The following OSBPL6 variants were observed in gnomAD, a reference collection of about 807,000 sequenced individuals.
OSBPL6 encodes the protein oxysterol-binding protein-related protein 6.
In OSBPL6, 49 loss-of-function variants were observed where a neutral mutation model predicts 125.8. That is an observed-to-expected ratio of 0.39 (90% confidence interval 0.31 to 0.49). The LOEUF (loss-of-function observed/expected upper bound fraction) is 0.49, where lower values mean the gene tolerates loss of function less well. Among genes scored for constraint, OSBPL6 ranks in the 20% least tolerant of loss-of-function variants. OSBPL6 has a pLI of 0.88. For synonymous variants in OSBPL6, 394 were observed against 391.8 expected, an observed-to-expected ratio of 1.01 and a Z score of -0.07; for missense variants, 986 against 1,135.4, an observed-to-expected ratio of 0.87 and a Z score of 1.89.
chr2:178,219,311 T>C (rs986217183), intron 1 of OSBPL6, among the ~76,000 whole-genome samples: 4 of 152,094 alleles, frequency 2.6e-5, no homozygotes, highest in African/African-American at 9.7e-5. Context: ...TTTTACAAAA[T>C]AGGAAATGGA....
intron 1 of OSBPL6, among the ~76,000 whole-genome samples, chr2:178,240,731 C>T (rs1024371580): frequency 1.1e-4 from 17 of 152,146 alleles, no homozygotes; most frequent in Middle Eastern, 3.4e-3. Flanking sequence ...GTAGCCTGGG[C>T]GACAGAACAA....
rs1404187341 is a variant in OSBPL6, at chr2:178,361,819, G to A, written c.1287+4G>A. On this transcript the variant is annotated splice_donor_region_variant and intron_variant, in intron 13 of 24. Coordinates refer to ENST00000190611, the MANE Select transcript of OSBPL6 (RefSeq NM_032523.4). ...GCTCCGACAGTCACTGTCTCAGGTA[G>A]GCAAAGAGTGTGTGTTTGCATGTAC... 6.2e-7 allele frequency: 1 copy of A among 1,613,870 alleles called. No homozygotes were observed. Among genetic ancestry groups the A allele is most frequent in the South Asian group, 1.1e-5 (1 of 91,068 alleles).
At chr2:178,392,776 G>A (rs1015245033) in intron 23 of OSBPL6, among the ~76,000 whole-genome samples, 3 of 150,904 alleles carry the variant, frequency 2.0e-5, no homozygotes, top group African/African-American at 7.3e-5. Context: ...TGGGAGGATC[G>A]CTCGAGCCTA....
At chr2:178,367,287 A>G (rs1417403413) in intron 13 of OSBPL6, among the ~76,000 whole-genome samples, 2 of 152,236 alleles carry the variant, frequency 1.3e-5, no homozygotes, top group African/African-American at 4.8e-5. Flanking sequence ...CAAATATACT[A>G]TAATGGTATT....
intron 1 of OSBPL6, among the ~76,000 whole-genome samples, chr2:178,225,324 C>G (rs1271020907): frequency 6.6e-6 from 1 of 151,980 alleles, no homozygotes; most frequent in Non-Finnish European, 1.5e-5. Flanking sequence ...GTTCTGAAGA[C>G]CCCCTCTTTC....
chr2:178,383,547 A>G (rs1392358606), intron 17 of OSBPL6, among the ~76,000 whole-genome samples: 1 of 152,212 alleles, frequency 6.6e-6, no homozygotes, highest in Non-Finnish European at 1.5e-5. Context: ...TTGAAGGCAC[A>G]CCTTGCCTCA....
At chr2:178,235,534 G>C (rs1318647082) in intron 1 of OSBPL6, among the ~76,000 whole-genome samples, 1 of 151,032 alleles carries the variant, frequency 6.6e-6, no homozygotes. Flanking sequence ...AGCCTCCCGA[G>C]TAGCTGGGAC....
intron 13 of OSBPL6, among the ~76,000 whole-genome samples, chr2:178,362,699 A>G (rs1238284748): frequency 6.6e-6 from 1 of 152,178 alleles, no homozygotes; most frequent in Non-Finnish European, 1.5e-5. Flanking sequence ...GTAGACTTAC[A>G]CCGTGTCACC....
intron 2 of OSBPL6, among the ~76,000 whole-genome samples, chr2:178,301,228 A>T (rs1321082196): frequency 6.6e-6 from 1 of 152,088 alleles, no homozygotes. Flanking sequence ...AAAAGGAATG[A>T]AAAGGGTCAT....
At chr2:178,326,282 C>CT (rs1314380359) in intron 4 of OSBPL6, among the ~76,000 whole-genome samples, 3 of 152,190 alleles carry the variant, frequency 2.0e-5, no homozygotes, top group African/African-American at 7.2e-5. Context: ...GGAAATGTCT[C>CT]TGTTTTTTCC....
intron 15 of OSBPL6, 29 bp downstream of exon 15, chr2:178,374,056 T>C: frequency 6.2e-7 from 1 of 1,607,054 alleles, no homozygotes; most frequent in Non-Finnish European, 8.5e-7. Flanking sequence ...CTTGTTGGCC[T>C]CAACATCTTG....
intron 17 of OSBPL6, among the ~76,000 whole-genome samples, 184 bp from the exon 18 acceptor site, chr2:178,383,855 A>G (rs534349520): frequency 2.8e-4 from 42 of 152,300 alleles, no homozygotes; most frequent in Admixed American, 2.5e-3. Context: ...GAGTGGTTTT[A>G]CCTAATCTTA....
intron 1 of OSBPL6, among the ~76,000 whole-genome samples, chr2:178,219,734 C>T (rs2090258023): frequency 6.6e-6 from 1 of 152,144 alleles, no homozygotes; most frequent in African/African-American, 2.4e-5. Flanking sequence ...AATCCAAGAC[C>T]CATTTTATAT....
chr2:178,333,447 T>G (rs767372561), intron 8 of OSBPL6, among the ~76,000 whole-genome samples: 1 of 152,048 alleles, frequency 6.6e-6, no homozygotes, highest in Non-Finnish European at 1.5e-5. Context: ...TGAGTCTCAT[T>G]TGGGAAAACC....
At chr2:178,392,780 G>A (rs961355500) in intron 23 of OSBPL6, among the ~76,000 whole-genome samples, 5 of 150,902 alleles carry the variant, frequency 3.3e-5, no homozygotes, top group Admixed American at 6.6e-5. Flanking sequence ...AGGATCGCTC[G>A]AGCCTAGGAT....
intron 1 of OSBPL6, among the ~76,000 whole-genome samples, chr2:178,254,392 C>CAAAA (rs397754204): frequency 8.2e-6 from 1 of 121,708 alleles, no homozygotes; most frequent in African/African-American, 2.9e-5. Flanking sequence ...GATTCTGTCT[C>CAAAA]AAAAAAAAAA....
chr2:178,379,311 C>CAGGA (rs141753997), intron 15 of OSBPL6, among the ~76,000 whole-genome samples: 1,309 of 100,080 alleles, frequency 0.013, 35 homozygotes, highest in East Asian at 0.031. Flanking sequence ...AAGAAAGAAA[C>CAGGA]AGGAAGGAAG....
At chr2:178,378,813 C>A (rs888693480) in intron 15 of OSBPL6, among the ~76,000 whole-genome samples, 2 of 152,134 alleles carry the variant, frequency 1.3e-5, no homozygotes, top group Admixed American at 6.5e-5. Context: ...TTGTAGAATT[C>A]TTTTACACCA....
intron 1 of OSBPL6, among the ~76,000 whole-genome samples, chr2:178,265,503 C>A (rs549499863): frequency 6.6e-6 from 1 of 152,108 alleles, no homozygotes; most frequent in Non-Finnish European, 1.5e-5. Context: ...TGCAGGCCAA[C>A]GTGCCAGCTG....
Sources: allele counts gnomAD v4.1 joint callset (sites outside exome capture counted in the v4.1 genomes callset), GRCh38; gene constraint gnomAD v4.1.1; transcripts MANE v1.5; gene names NCBI Gene and HGNC (gene_info 2026-07-23, HGNC 2026-07-21).